DERL3: variants seen among roughly 807,000 people sequenced by gnomAD.
DERL3 encodes derlin-3.
A neutral mutation model predicts 23.8 loss-of-function variants in DERL3; 20 were observed. The observed-to-expected ratio is 0.84, with a 90% CI of 0.59 to 1.22. The LOEUF is 1.22. Ranked by LOEUF, DERL3 falls within the 50% of genes most tolerant of loss-of-function variation. The pLI is 0.00. For missense variants in DERL3, 319 were observed against 304.1 expected (o/e 1.05, Z -0.36); for synonymous variants, 145 against 132.5 (o/e 1.09, Z -0.65).
rs759500700 is a variant in DERL3, at chr22:23,836,071, G to C, written c.*798C>G. The C allele has an allele frequency of 1.0e-6, 1 of 985,498 alleles. No homozygotes were observed. Among genetic ancestry groups the C allele is most frequent in the Non-Finnish European group, 1.2e-6 (1 of 829,968 alleles). 61.0% of individuals were successfully genotyped at this position (985,498 alleles called of 1,614,324 possible). ...CAAGGAAAGCTGCCAGGTCAGAAGA[G>C]AAAAATGAGCCACAGGGGTCGGATA... On this transcript the variant is annotated 3_prime_UTR_variant, in exon 7 of 7. Coordinates refer to ENST00000318109, the MANE Select transcript of DERL3 (RefSeq NM_001002862.3).
Position 23,838,571 on chromosome 22 carries a change from G to T in DERL3, c.226C>A (p.Leu76Ile). 1 of 1,586,706 alleles carries T rather than the reference G, an allele frequency of 6.3e-7. No homozygotes were observed. The highest frequency in any genetic ancestry group is 8.6e-7 in the Non-Finnish European group (1 of 1,167,086). Residue 76 changes from leucine (L) to isoleucine (I), a missense_variant, in exon 3 of 7, where the codon CTC (leucine) becomes ATC (isoleucine). By Grantham distance (5) the Leu-to-Ile change is conservative (BLOSUM62 2). Coordinates refer to ENST00000318109, the MANE Select transcript of DERL3 (RefSeq NM_001002862.3). ...PLGFSFFFNM[L>I]FVFRYCRMLE... The stretch of plus-strand genomic sequence containing the variant: ...CCGCAGGGCGCAGGATACACGAAGA[G>T]CATGTTGAAGAAGAAGCTGAATCCC...
At chr22:23,837,611 G>C in intron 5 of DERL3, 48 bp downstream of exon 5, 1 of 1,582,868 alleles carries the variant, frequency 6.3e-7, no homozygotes, top group Non-Finnish European at 8.6e-7. Context: ...AGCGTGTCCT[G>C]AGGGGAGTGG....
Position 23,835,448 on chromosome 22 carries a change from T to G in DERL3, c.*1421A>C. 1.0e-6 allele frequency: 1 copy of G among 986,056 alleles called. No individual in the cohort carries two copies. Among genetic ancestry groups the G allele is most frequent in the Non-Finnish European group, 1.2e-6 (1 of 830,444 alleles). The allele number at this position is 986,056 out of a possible 1,614,324, so 61.1% of individuals were successfully genotyped here. A position where few individuals can be genotyped will look rare whatever the true frequency, so the allele number is the denominator to read the frequency against. On this transcript the variant is annotated 3_prime_UTR_variant, in exon 7 of 7. Coordinates refer to ENST00000318109, the MANE Select transcript of DERL3 (RefSeq NM_001002862.3). ...TCCCTGGAAGTGGGGTAGGGCCCCA[T>G]GTGGGGCAGAGGCAGAGCTCTGATT...
chr22:23,834,854 CGTCCCTGGGCCGCCCTGGCTCTGCT>C lies in DERL3; in HGVS notation c.*1990_*2014del, dbSNP rs761703690. On this transcript the variant is annotated 3_prime_UTR_variant, in exon 7 of 7. Transcript: ENST00000318109. ...AGGAAGGTGCCGCGAGCTCTCCTGCCGTCCCTGGGCCGCCCTGGCTCTGCTGTGTCCAGATGGTCAGGCTACTGCC... is the reference window on the plus strand; with the variant it reads ...AGGAAGGTGCCGCGAGCTCTCCTGCCGTGTCCAGATGGTCAGGCTACTGCC... 2 of 1,612,552 alleles carry C rather than the reference CGTCCCTGGGCCGCCCTGGCTCTGCT, an allele frequency of 1.2e-6. No homozygotes were observed. Among genetic ancestry groups the C allele is most frequent in the Non-Finnish European group, 1.7e-6 (2 of 1,179,736 alleles).
intron 5 of DERL3, 103 bp from the exon 6 acceptor site, chr22:23,837,257 GC>G (rs1211194293): frequency 1.4e-6 from 2 of 1,425,328 alleles, no homozygotes; most frequent in Admixed American, 4.5e-5. Context: ...GGCCCTGCAG[GC>G]CCCACAGCAT....
chr22:23,834,777 G>C lies in DERL3; in HGVS notation c.*2092C>G. 1.3e-6 allele frequency: 2 copies of C among 1,573,264 alleles called. No homozygotes were observed. Among genetic ancestry groups the C allele is most frequent in the Non-Finnish European group, 1.7e-6 (2 of 1,160,856 alleles). ...AGTAGCTGTGAGGCTCAGGGCAAGA[G>C]GCTCTCTGCCTTTCAGGAACAGCCC... On this transcript the variant is annotated 3_prime_UTR_variant, in exon 7 of 7. Transcript: ENST00000318109.
chr22:23,834,623 C>G lies in DERL3; in HGVS notation c.*2246G>C. 1.3e-6 allele frequency: 1 copy of G among 773,990 alleles called. No homozygotes were observed. The highest frequency in any genetic ancestry group is 2.1e-6 in the Non-Finnish European group (1 of 466,950). The allele number at this position is 773,990 out of a possible 1,614,324, so 47.9% of individuals were successfully genotyped here. The stretch of plus-strand genomic sequence containing the variant: ...GTGGTATGTGAACAAGGTTGGCACA[C>G]AGGCCTCACCCTCCTCTGCCTCAGA... On this transcript the variant is annotated 3_prime_UTR_variant, in exon 7 of 7. Coordinates refer to ENST00000318109, the MANE Select transcript of DERL3 (RefSeq NM_001002862.3).
rs2031325952 is a variant in DERL3 at position 23,838,762 on chromosome 22, G to C, written c.108C>G (p.Leu36=). 1 of 1,551,272 alleles carries C rather than the reference G, an allele frequency of 6.4e-7. No individual in the cohort carries two copies. The change falls in exon 2 of 7, where the codon CTC becomes CTG. Residue 36 remains leucine, a synonymous_variant. Coordinates refer to ENST00000318109, the MANE Select transcript of DERL3 (RefSeq NM_001002862.3). ...LTTAAVQLEL[L]SPFQLYFNPH... is the part of the protein sequence containing the mutation. ...GGTTGAAGTAGAGTTGAAAGGGGCTGAGGAGCTCCAGCTGCTGTGGAACCA... is the reference window on the plus strand; with the variant it reads ...GGTTGAAGTAGAGTTGAAAGGGGCTCAGGAGCTCCAGCTGCTGTGGAACCA...
Position 23,836,637 on chromosome 22 carries a change from G to A in DERL3, c.*232C>T. ...TGTGGGCACCCCTATCCTACCACCT[G>A]CAGTTGGGCTGAGAGGCCACACTGA... is the stretch of plus-strand genomic sequence containing the variant. On this transcript the variant is annotated 3_prime_UTR_variant, in exon 7 of 7. Coordinates refer to ENST00000318109, the MANE Select transcript of DERL3 (RefSeq NM_001002862.3). The A allele has an allele frequency of 1.6e-6, 2 of 1,242,028 alleles. No homozygotes were observed. Among genetic ancestry groups the A allele is most frequent in the Non-Finnish European group, 2.0e-6 (2 of 996,404 alleles). 76.9% of individuals were successfully genotyped at this position (1,242,028 alleles called of 1,614,324 possible).
chr22:23,838,916 A>G lies in DERL3; in HGVS notation c.72T>C (p.Cys24=). ...TTACCACCGCGGCGGTGGTGAGGAC[A>G]CAGGCTGCGGTGTAAGCCCGCGTCA... ...PAVTRAYTAA[C]VLTTAAVQLE... is the part of the protein sequence containing the mutation. Residue 24 remains cysteine, a synonymous_variant, in exon 1 of 7, where the codon TGT becomes TGC. Transcript: ENST00000318109. 5.1e-6 allele frequency: 8 copies of G among 1,573,066 alleles called. No homozygotes were observed. Among genetic ancestry groups the G allele is most frequent in the Non-Finnish European group, 6.0e-6 (7 of 1,159,436 alleles).
chr22:23,838,620 G>T lies in DERL3; in HGVS notation c.177C>A (p.Thr59=). 6.3e-7 allele frequency: 1 copy of T among 1,583,852 alleles called. No homozygotes were observed. The highest frequency in any genetic ancestry group is 2.3e-5 in the East Asian group (1 of 42,946). Residue 59 remains threonine, a synonymous_variant, in exon 3 of 7, where the codon ACC becomes ACA. Transcript: ENST00000318109. ...CCAGGGGCCCGAAGAAGAGGAAGTT[G>T]GTGACGAGCCTCCAGACCTACGGGG... ...FRKFQVWRLV[T]NFLFFGPLGF...
At chr22:23,838,689 G>A (rs1296551822) in intron 2 of DERL3, 22 bp downstream of exon 2, 3 of 1,548,070 alleles carry the variant, frequency 1.9e-6, no homozygotes, top group East Asian at 2.4e-5. Context: ...GCCCACAGGT[G>A]CGCGGCGCGG....
Position 23,835,854 on chromosome 22 carries a change from G to C in DERL3, c.*1015C>G. The C allele has an allele frequency of 1.0e-6, 1 of 982,602 alleles. No individual in the cohort carries two copies. The highest frequency in any genetic ancestry group is 4.8e-5 in the South Asian group (1 of 20,840). 60.9% of individuals were successfully genotyped at this position (982,602 alleles called of 1,614,324 possible). On this transcript the variant is annotated 3_prime_UTR_variant, in exon 7 of 7. Transcript: ENST00000318109. ...CCACCTGGCTGGGAGGTGCCGGGAAGGCTGGGCCCTCACTCCTGACCGCCA... is the reference window on the plus strand; with the variant it reads ...CCACCTGGCTGGGAGGTGCCGGGAACGCTGGGCCCTCACTCCTGACCGCCA...
Position 23,834,769 on chromosome 22 carries a change from G to T in DERL3, c.*2100C>A. ...CTGAGAAGAGTAGCTGTGAGGCTCA[G>T]GGCAAGAGGCTCTCTGCCTTTCAGG... On this transcript the variant is annotated 3_prime_UTR_variant, in exon 7 of 7. Coordinates refer to ENST00000318109, the MANE Select transcript of DERL3 (RefSeq NM_001002862.3). 1 of 1,423,606 alleles carries T rather than the reference G, an allele frequency of 7.0e-7. No homozygotes were observed. Among genetic ancestry groups the T allele is most frequent in the Non-Finnish European group, 9.2e-7 (1 of 1,087,986 alleles). 88.2% of individuals were successfully genotyped at this position (1,423,606 alleles called of 1,614,324 possible).
Position 23,837,785 on chromosome 22 carries a change from T to C in DERL3, c.397A>G (p.Ser133Gly), listed in dbSNP as rs1276996283. The C allele has an allele frequency of 1.9e-6, 3 of 1,613,710 alleles. No individual in the cohort carries two copies. Among genetic ancestry groups the C allele is most frequent in the Non-Finnish European group, 2.5e-6 (3 of 1,179,972 alleles). The change falls in exon 5 of 7, where the codon AGC (serine) becomes GGC (glycine). Residue 133 changes from serine (S) to glycine (G), a missense_variant. Coordinates refer to ENST00000318109, the MANE Select transcript of DERL3 (RefSeq NM_001002862.3). ...ALMAMLVYVW[S>G]RRSPRVRVNF... is the part of the protein sequence containing the mutation. ...ACCCTCACCCGAGGGCTGCGGCGGCTCCACACGTACACCAGCATGGCCATG... is the reference window on the plus strand; with the variant it reads ...ACCCTCACCCGAGGGCTGCGGCGGCCCCACACGTACACCAGCATGGCCATG...
Position 23,835,533 on chromosome 22 carries a change from G to A in DERL3, c.*1336C>T. On this transcript the variant is annotated 3_prime_UTR_variant, in exon 7 of 7. Coordinates refer to ENST00000318109, the MANE Select transcript of DERL3 (RefSeq NM_001002862.3). ...GGAGGGCTCCTTTGAGCACATGTTA[G>A]CATGGGACTCTTCCCAGGGAGTTTG... The A allele has an allele frequency of 2.0e-6, 2 of 985,520 alleles. No homozygotes were observed. The highest frequency in any genetic ancestry group is 2.4e-6 in the Non-Finnish European group (2 of 829,964). The allele number at this position is 985,520 out of a possible 1,614,324, so 61.0% of individuals were successfully genotyped here.
chr22:23,837,460 GTC>G, intron 5 of DERL3, 197 bp downstream of exon 5: 1 of 669,432 alleles, frequency 1.5e-6, no homozygotes, highest in Non-Finnish European at 2.5e-6. Context: ...CAGTAGATCC[GTC>G]CTGACGATGC....
In DERL3 at chr22:23,836,809, A is replaced by T; in HGVS notation, c.*60T>A. ...AGGATGGGTTTTTTCTGCCCCAAGT[A>T]GGGGTCATGGGTAGGATGGAAGCTG... On this transcript the variant is annotated 3_prime_UTR_variant, in exon 7 of 7. Coordinates refer to ENST00000318109, the MANE Select transcript of DERL3 (RefSeq NM_001002862.3). 1 of 1,419,788 alleles carries T rather than the reference A, an allele frequency of 7.0e-7. No homozygotes were observed. The allele number at this position is 1,419,788 out of a possible 1,614,324, so 87.9% of individuals were successfully genotyped here. A position where few individuals can be genotyped will look rare whatever the true frequency, so the allele number is the denominator to read the frequency against.
rs774798429 is a variant in DERL3, at chr22:23,837,119, C to T, written c.559G>A (p.Asp187Asn). 3.1e-6 allele frequency: 5 copies of T among 1,614,002 alleles called. No individual in the cohort carries two copies. The Admixed American group carries it at 6.7e-5, about 22-fold the overall frequency. ...CCTCCAGGCTGGTTGGGGAAGACGT[C>T]CTCCAGGAAGTAGTAGATATGGCCC... ...AVGHIYYFLEDVFPNQPGGKR... is the reference protein window; with the variant it reads ...AVGHIYYFLENVFPNQPGGKR... The change falls in exon 6 of 7, where the codon GAC becomes AAC. Residue 187 changes from aspartate to asparagine, a missense_variant. By Grantham distance (23) the Asp-to-Asn change is conservative (BLOSUM62 1). Transcript: ENST00000318109.
Sources: allele counts gnomAD v4.1 joint callset, GRCh38; gene constraint gnomAD v4.1.1; transcripts MANE v1.5; gene names NCBI Gene and HGNC (gene_info 2026-07-23, HGNC 2026-07-21).